CC2D2A: variants seen among roughly 807,000 people sequenced by gnomAD.
The protein encoded by CC2D2A is coiled-coil and C2 domain-containing protein 2A.
A neutral mutation model predicts 212.9 loss-of-function variants in CC2D2A; 155 were observed. The observed-to-expected ratio is 0.73, with a 90% confidence interval of 0.64 to 0.83. CC2D2A has a LOEUF of 0.83. Ranked by LOEUF, CC2D2A falls within the 40% of genes least tolerant of loss-of-function variation. The pLI, the probability that CC2D2A is intolerant of heterozygous loss-of-function variation, is 0.00. For synonymous variants in CC2D2A, 667 were observed against 686.5 expected (o/e 0.97, Z 0.44); for missense variants, 1,856 against 1,956.2 (o/e 0.95, Z 0.97).
At chr4:15,590,533 C>T (rs1028411422) in intron 33 of CC2D2A, among the ~76,000 whole-genome samples, 5 of 151,950 alleles carry the variant, frequency 3.3e-5, no homozygotes, top group Non-Finnish European at 7.4e-5. Flanking sequence ...ATGAGTTATG[C>T]GATCAGACTG....
chr4:15,493,250 T>A (rs917089266), intron 4 of CC2D2A, among the ~76,000 whole-genome samples: 4 of 143,000 alleles, frequency 2.8e-5, no homozygotes, highest in African/African-American at 1.1e-4. Context: ...TATTTATTAT[T>A]TATTTATTTA....
At chr4:15,585,203 T>C (rs767017853) in intron 30 of CC2D2A, among the ~76,000 whole-genome samples, 2 of 152,212 alleles carry the variant, frequency 1.3e-5, no homozygotes, top group Non-Finnish European at 1.5e-5. Context: ...CACACGTGTA[T>C]TGCAGTGCTA....
At chr4:15,562,852 T>A (rs1211524887) in intron 23 of CC2D2A, among the ~76,000 whole-genome samples, 1 of 152,174 alleles carries the variant, frequency 6.6e-6, no homozygotes, top group Non-Finnish European at 1.5e-5. Context: ...ACACACCCAC[T>A]GTCATGTGAA....
At chr4:15,564,913 G>A (rs1719812646) in intron 24 of CC2D2A, among the ~76,000 whole-genome samples, 1 of 152,124 alleles carries the variant, frequency 6.6e-6, no homozygotes. Context: ...CTGGCCTCAA[G>A]CGATCCTCCT....
In CC2D2A at chr4:15,589,530, G is replaced by T; in HGVS notation, c.4180-15G>T. The T allele has an allele frequency of 6.2e-7, 1 of 1,608,680 alleles. No individual in the cohort carries two copies. Among genetic ancestry groups the T allele is most frequent in the Non-Finnish European group, 8.5e-7 (1 of 1,176,738 alleles). ...AAATAGTTGAAAACTAGTTTTAATG[G>T]CCATCTTCTTTCAGGGTCCAACTGC... On this transcript the variant is annotated splice_polypyrimidine_tract_variant and intron_variant, in intron 32 of 36. Coordinates refer to ENST00000424120, the MANE Select transcript of CC2D2A (RefSeq NM_001378615.1).
intron 22 of CC2D2A, among the ~76,000 whole-genome samples, chr4:15,559,885 A>C (rs988030093): frequency 1.3e-5 from 2 of 152,118 alleles, no homozygotes; most frequent in Non-Finnish European, 2.9e-5. Context: ...GAAGTGCAGT[A>C]GTGTAGTGTG....
intron 11 of CC2D2A, among the ~76,000 whole-genome samples, chr4:15,526,483 C>A (rs1030013770): frequency 1.3e-5 from 2 of 152,122 alleles, no homozygotes; most frequent in Non-Finnish European, 2.9e-5. Context: ...ACATGTTACC[C>A]ATAATTTAGG....
Position 15,502,943 on chromosome 4 carries a change from C to T in CC2D2A, c.438+20C>T. On this transcript the variant is annotated intron_variant, in intron 6 of 36. Transcript: ENST00000424120. Reference sequence around the variant, plus strand: ...ACAGAGGTGAGAAATACCCTCTCTACTTTGTGATCAAAACCAGTAAAGCAG... The same window carrying T: ...ACAGAGGTGAGAAATACCCTCTCTATTTTGTGATCAAAACCAGTAAAGCAG... 6.4e-7 allele frequency: 1 copy of T among 1,560,062 alleles called. No individual in the cohort carries two copies. Among genetic ancestry groups the T allele is most frequent in the Non-Finnish European group, 8.7e-7 (1 of 1,148,152 alleles).
At position 15,559,253 on chromosome 4, in the gene CC2D2A, A is replaced by G. The variant is rs1321218611; in HGVS notation, c.2918A>G (p.Gln973Arg). 1 of 1,544,490 alleles carries G rather than the reference A, an allele frequency of 6.5e-7. No homozygotes were observed. The highest frequency in any genetic ancestry group is 8.8e-7 in the Non-Finnish European group (1 of 1,140,440). ...THRAIVAKYL[Q>R]QVRESVINRF... ...AGGGCCATAGTAGCCAAGTACCTCC[A>G]GCAGGTAAGAAAAATCATATAAAAC... The change falls in exon 22 of 37, where the codon CAG becomes CGG. Residue 973 changes from glutamine to arginine, a missense_variant. By Grantham distance (43) the Gln-to-Arg change is conservative. Transcript: ENST00000424120.
chr4:15,475,538 G>T (rs1407486346), intron 1 of CC2D2A, among the ~76,000 whole-genome samples: 1 of 152,120 alleles, frequency 6.6e-6, no homozygotes, highest in East Asian at 1.9e-4. Context: ...AGGGGAAGGG[G>T]ATGTAGAAGC....
chr4:15,517,768 G>A (rs545153577), intron 11 of CC2D2A, among the ~76,000 whole-genome samples: 19 of 152,214 alleles, frequency 1.2e-4, no homozygotes, highest in African/African-American at 4.1e-4. Flanking sequence ...CCAAGACTGG[G>A]CAATTTACAA....
intron 4 of CC2D2A, among the ~76,000 whole-genome samples, chr4:15,489,605 ACTT>A (rs1715191038): frequency 6.6e-6 from 1 of 152,098 alleles, no homozygotes. Flanking sequence ...AAAAAATAAA[ACTT>A]CTTTACAGCA....
At chr4:15,566,749 A>C (rs1719896993) in intron 24 of CC2D2A, among the ~76,000 whole-genome samples, 1 of 152,168 alleles carries the variant, frequency 6.6e-6, no homozygotes, top group Non-Finnish European at 1.5e-5. Context: ...AGACAGGAGG[A>C]TCACTTGAAC....
chr4:15,540,342 T>C (rs1257585760), intron 16 of CC2D2A, among the ~76,000 whole-genome samples: 1 of 152,112 alleles, frequency 6.6e-6, no homozygotes, highest in Non-Finnish European at 1.5e-5. Flanking sequence ...GGAATATTTA[T>C]TAATACTCTG....
chr4:15,537,345 A>ATAATAGTATTTAAG (rs1718188521), intron 15 of CC2D2A, among the ~76,000 whole-genome samples: 1 of 152,240 alleles, frequency 6.6e-6, no homozygotes, highest in East Asian at 1.9e-4. Context: ...TATTTAAGTA[A>ATAATAGTATTTAAG]TAATGTAGTA....
intron 29 of CC2D2A, among the ~76,000 whole-genome samples, chr4:15,574,670 C>A (rs1049738968): frequency 2.0e-5 from 3 of 152,194 alleles, no homozygotes; most frequent in African/African-American, 7.2e-5. Flanking sequence ...ACTAGAATAT[C>A]AGATTGCTCT....
chr4:15,513,527 T>C (rs894595729), intron 8 of CC2D2A, among the ~76,000 whole-genome samples: 1 of 152,248 alleles, frequency 6.6e-6, no homozygotes, highest in Admixed American at 6.5e-5. Flanking sequence ...AACTGCTCTT[T>C]TAAATCACAC....
At chr4:15,478,081 G>T (rs1288362930) in intron 2 of CC2D2A, among the ~76,000 whole-genome samples, 1 of 152,138 alleles carries the variant, frequency 6.6e-6, no homozygotes, top group Non-Finnish European at 1.5e-5. Flanking sequence ...AAACATTTTA[G>T]AGCTCGTAGA....
rs747750921 is a variant in CC2D2A at position 15,533,180 on chromosome 4, T to A, written c.1467-13T>A. 6.3e-7 allele frequency: 1 copy of A among 1,575,836 alleles called. No individual in the cohort carries two copies. Among genetic ancestry groups the A allele is most frequent in the South Asian group, 1.2e-5 (1 of 82,022 alleles). On this transcript the variant is annotated splice_polypyrimidine_tract_variant and intron_variant, in intron 13 of 36. Transcript: ENST00000424120. ...CTTTTTAATATATACTCATGTGTTA[T>A]TATATCTTGCAGACAAACAAGAAAA...
Sources: gnomAD v4.1 joint callset for allele counts (sites outside exome capture counted in the v4.1 genomes callset) on GRCh38, gnomAD v4.1.1 for gene constraint, MANE v1.5 for transcripts, NCBI Gene and HGNC (gene_info 2026-07-23, HGNC 2026-07-21) for gene names.